The following RNFT2 variants were observed in gnomAD, a reference collection of about 807,000 sequenced individuals.
The protein encoded by RNFT2 is ring finger protein, transmembrane 2.
Under a neutral mutation model 53.0 loss-of-function variants are expected in RNFT2, and 36 were observed. That is an observed-to-expected ratio of 0.68 (90% CI 0.52 to 0.90). The LOEUF is 0.90. Among genes scored for constraint, RNFT2 ranks in the 40% least tolerant of loss-of-function variants. The probability of loss-of-function intolerance (pLI) is 0.00; values close to 1 mark genes in which losing one functional copy is unlikely to be tolerated. For synonymous variants in RNFT2, 260 were observed against 253.2 expected, an observed-to-expected ratio of 1.03 and a Z score of -0.26; for missense variants, 514 against 585.6, an observed-to-expected ratio of 0.88 and a Z score of 1.26.
chr12:116,800,403 C>T (rs1385791010), intron 7 of RNFT2, among the ~76,000 whole-genome samples: 2 of 151,330 alleles, frequency 1.3e-5, no homozygotes, highest in Non-Finnish European at 2.9e-5. Flanking sequence ...AAGGCTGAAG[C>T]GGGCAGATCA....
intron 10 of RNFT2, among the ~76,000 whole-genome samples, chr12:116,839,425 GTGGATGGATGGATGGATGGA>G (rs148543249): frequency 4.6e-4 from 52 of 112,536 alleles, no homozygotes; most frequent in Middle Eastern, 0.01. Flanking sequence ...GGGTGGGTGG[GTGGATGGATGGATGGATGGA>G]TGGATGGATG....
chr12:116,784,228 G>A (rs1184495406), intron 7 of RNFT2, among the ~76,000 whole-genome samples: 1 of 152,240 alleles, frequency 6.6e-6, no homozygotes, highest in Admixed American at 6.5e-5. Flanking sequence ...TACAAAGCTA[G>A]ACCAAGGCTT....
chr12:116,749,621 C>A (rs1872077569), intron 3 of RNFT2, among the ~76,000 whole-genome samples: 1 of 152,042 alleles, frequency 6.6e-6, no homozygotes, highest in South Asian at 2.1e-4. Context: ...TGGATTGGGA[C>A]CCACTCCAGT....
At chr12:116,833,164 C>A (rs1876770567) in intron 7 of RNFT2, among the ~76,000 whole-genome samples, 1 of 152,152 alleles carries the variant, frequency 6.6e-6, no homozygotes, top group Non-Finnish European at 1.5e-5. Flanking sequence ...AGTGATCCAC[C>A]TGCCTGGGCC....
chr12:116,833,963 A>T, intron 8 of RNFT2, 22 bp downstream of exon 8: 1 of 1,581,074 alleles, frequency 6.3e-7, no homozygotes, highest in Non-Finnish European at 8.6e-7. Flanking sequence ...CCAAGGCTGG[A>T]GGGCCGGCCT....
At chr12:116,759,918 G>A (rs1341043156) in intron 5 of RNFT2, among the ~76,000 whole-genome samples, 1 of 152,130 alleles carries the variant, frequency 6.6e-6, no homozygotes, top group African/African-American at 2.4e-5. Context: ...TAGAACTCTC[G>A]AGTTTCTATG....
At chr12:116,780,577 G>A (rs1015266476) in intron 7 of RNFT2, among the ~76,000 whole-genome samples, 3 of 151,630 alleles carry the variant, frequency 2.0e-5, no homozygotes, top group Non-Finnish European at 4.4e-5. Context: ...GTTTCTAGTT[G>A]AGCCAAAATC....
chr12:116,837,799 G>T (rs572027501), intron 10 of RNFT2, among the ~76,000 whole-genome samples: 2 of 152,124 alleles, frequency 1.3e-5, no homozygotes, highest in Non-Finnish European at 2.9e-5. Flanking sequence ...TTTGACAAAT[G>T]TACCACGGTA....
intron 5 of RNFT2, among the ~76,000 whole-genome samples, chr12:116,760,495 G>T (rs116755370): frequency 0.016 from 2,400 of 152,334 alleles, 72 homozygotes; most frequent in African/African-American, 0.054. Flanking sequence ...GGGGGACCCA[G>T]TGAGCTCCCA....
At chr12:116,750,895 TATATA>T (rs1872213879) in intron 4 of RNFT2, among the ~76,000 whole-genome samples, 10 of 8,302 alleles carry the variant, frequency 1.2e-3, no homozygotes, top group Admixed American at 2.4e-3. Context: ...ATATATAATA[TATATA>T]TATATATATT....
intron 6 of RNFT2, among the ~76,000 whole-genome samples, chr12:116,771,705 G>A (rs575629926): frequency 6.6e-6 from 1 of 152,112 alleles, no homozygotes; most frequent in Middle Eastern, 3.4e-3. Flanking sequence ...CCATGATGTG[G>A]GCACCCTCTT....
intron 7 of RNFT2, among the ~76,000 whole-genome samples, chr12:116,794,940 C>T (rs1874435582): frequency 6.6e-6 from 1 of 151,998 alleles, no homozygotes; most frequent in Non-Finnish European, 1.5e-5. Context: ...AACCTTTGTC[C>T]ACTTACTTGA....
chr12:116,780,867 C>T (rs1205157052), intron 7 of RNFT2, among the ~76,000 whole-genome samples: 1 of 152,074 alleles, frequency 6.6e-6, no homozygotes, highest in Non-Finnish European at 1.5e-5. Flanking sequence ...TGGCTATGCC[C>T]ATGGACTTTG....
At chr12:116,784,335 C>T (rs884273) in intron 7 of RNFT2, among the ~76,000 whole-genome samples, 3,061 of 152,318 alleles carry the variant, frequency 0.02, 40 homozygotes, top group African/African-American at 0.034. Context: ...CAGTTCAGCT[C>T]TTGGGAGAAG....
At chr12:116,802,627 A>G (rs1301035368) in intron 7 of RNFT2, among the ~76,000 whole-genome samples, 1 of 152,242 alleles carries the variant, frequency 6.6e-6, no homozygotes, top group Admixed American at 6.5e-5. Flanking sequence ...GGAGAGGCAA[A>G]GAATGACTTT....
At chr12:116,801,276 A>G (rs765646640) in intron 7 of RNFT2, 1 of 152,236 alleles carries the variant, frequency 6.6e-6, no homozygotes, top group Non-Finnish European at 1.5e-5. Flanking sequence ...CCAGTGAGAT[A>G]CTAATCATTA....
chr12:116,822,261 G>C (rs1876078395), intron 7 of RNFT2, among the ~76,000 whole-genome samples: 1 of 151,868 alleles, frequency 6.6e-6, no homozygotes, highest in Non-Finnish European at 1.5e-5. Context: ...ATGACCTCTT[G>C]GCCTCAGAGC....
chr12:116,839,759 T>TGGAA (rs555442691), intron 10 of RNFT2, among the ~76,000 whole-genome samples: 4 of 72,712 alleles, frequency 5.5e-5, no homozygotes, highest in African/African-American at 1.1e-4. Flanking sequence ...AATGGATAGG[T>TGGAA]GGAAGGAAGG....
rs555122067 is a variant in RNFT2 at position 116,822,034 on chromosome 12, C to T, written c.883-11758C>T. Among the ~76,000 whole-genome samples the T allele has an allele frequency of 5.9e-5, 9 of 152,070 alleles. No homozygotes were observed. In the East Asian group the frequency reaches 7.7e-4, roughly 13 times the overall value. On this transcript the variant is annotated intron_variant, in intron 7 of 10. Transcript: ENST00000257575. ...ATTTTTGGTAGAGACGGGATTTCAC[C>T]GTGTTGGCCAGGCTGATCTTGAACT... is the stretch of plus-strand genomic sequence containing the variant.
Sources: gnomAD v4.1 joint callset for allele counts (sites outside exome capture counted in the v4.1 genomes callset) on GRCh38, gnomAD v4.1.1 for gene constraint, MANE v1.5 for transcripts, NCBI Gene and HGNC (gene_info 2026-07-23, HGNC 2026-07-21) for gene names.